The following GALNTL6 variants were observed in gnomAD, a reference collection of about 807,000 sequenced individuals.
GALNTL6 encodes polypeptide N-acetylgalactosaminyltransferase-like 6.
Under a neutral mutation model 73.7 loss-of-function variants are expected in GALNTL6, and 46 were observed. The ratio of observed to expected loss-of-function variants is 0.62; its 90% CI spans 0.49 to 0.80. The LOEUF (loss-of-function observed/expected upper bound fraction) is 0.80, where lower values mean the gene tolerates loss of function less well. Among genes scored for constraint, GALNTL6 ranks in the 30% least tolerant of loss-of-function variants. GALNTL6 has a pLI of 0.00. For missense variants in GALNTL6, 604 were observed against 755.0 expected, an observed-to-expected ratio of 0.80 and a Z score of 2.34; for synonymous variants, 259 against 263.7, an observed-to-expected ratio of 0.98 and a Z score of 0.17.
intron 5 of GALNTL6, among the ~76,000 whole-genome samples, chr4:172,550,720 C>G (rs1270777541): frequency 6.6e-6 from 1 of 152,166 alleles, no homozygotes; most frequent in Non-Finnish European, 1.5e-5. Flanking sequence ...GCCTCAGCCT[C>G]TCATGTAGGC....
chr4:171,998,178 C>G (rs1198332326), intron 2 of GALNTL6, among the ~76,000 whole-genome samples: 1 of 152,146 alleles, frequency 6.6e-6, no homozygotes, highest in Non-Finnish European at 1.5e-5. Context: ...TTAATTGTCA[C>G]TCAGTTGCAT....
At chr4:172,645,350 A>G (rs1376481621) in intron 5 of GALNTL6, among the ~76,000 whole-genome samples, 1 of 152,008 alleles carries the variant, frequency 6.6e-6, no homozygotes, top group Non-Finnish European at 1.5e-5. Flanking sequence ...TAGGACTATG[A>G]TCCATAAATA....
chr4:172,056,613 T>G (rs1206966506), intron 2 of GALNTL6, among the ~76,000 whole-genome samples: 3 of 152,038 alleles, frequency 2.0e-5, no homozygotes, highest in Non-Finnish European at 4.4e-5. Context: ...CTGCTAAAAT[T>G]AAGTATTATC....
chr4:172,876,652 A>G (rs555662578), intron 7 of GALNTL6, among the ~76,000 whole-genome samples: 1 of 152,250 alleles, frequency 6.6e-6, no homozygotes, highest in South Asian at 2.1e-4. Flanking sequence ...TCTTATCCCC[A>G]TAGAACCTCG....
At chr4:173,011,595 G>T (rs770998799) in intron 11 of GALNTL6, among the ~76,000 whole-genome samples, 2 of 152,050 alleles carry the variant, frequency 1.3e-5, no homozygotes, top group African/African-American at 4.8e-5. Flanking sequence ...TTCTGCATGT[G>T]GATATCCAGT....
At chr4:172,060,859 A>G (rs1160196552) in intron 2 of GALNTL6, among the ~76,000 whole-genome samples, 2 of 152,194 alleles carry the variant, frequency 1.3e-5, no homozygotes, top group Non-Finnish European at 2.9e-5. Flanking sequence ...AAAGCATTTC[A>G]AGGTCTTCCA....
chr4:172,726,831 A>G lies in GALNTL6; in HGVS notation c.554-82530A>G, dbSNP rs78524190. On this transcript the variant is annotated intron_variant, in intron 5 of 12. Coordinates refer to ENST00000506823, the MANE Select transcript of GALNTL6 (RefSeq NM_001034845.3). Reference sequence around the variant, plus strand: ...TCAGAACATGTTTCTTACCTGGTGTATGAGGTCCCTATTCTCTCTCTAATA... The same window carrying G: ...TCAGAACATGTTTCTTACCTGGTGTGTGAGGTCCCTATTCTCTCTCTAATA... Among the ~76,000 whole-genome samples the G allele has an allele frequency of 6.4e-4, 97 of 152,330 alleles. 1 individual carries two copies. The East Asian group carries it at 0.018, about 28-fold the overall frequency.
At chr4:171,911,228 G>A (rs976658234) in intron 2 of GALNTL6, among the ~76,000 whole-genome samples, 8 of 152,040 alleles carry the variant, frequency 5.3e-5, no homozygotes, top group South Asian at 2.1e-4. Context: ...GGCACGATCC[G>A]GGCCCACTGC....
At chr4:172,217,991 C>T (rs1000021658) in intron 2 of GALNTL6, among the ~76,000 whole-genome samples, 1 of 152,078 alleles carries the variant, frequency 6.6e-6, no homozygotes, top group African/African-American at 2.4e-5. Context: ...TATATAGAGG[C>T]TATGTCTTTC....
chr4:171,940,873 C>T (rs1255366881), intron 2 of GALNTL6, among the ~76,000 whole-genome samples: 3 of 110,812 alleles, frequency 2.7e-5, no homozygotes, highest in Admixed American at 2.0e-4. Context: ...ATATATAAGT[C>T]ATGTATGCAT....
chr4:172,143,579 G>A (rs1470919592), intron 2 of GALNTL6, among the ~76,000 whole-genome samples: 1 of 151,616 alleles, frequency 6.6e-6, no homozygotes, highest in Non-Finnish European at 1.5e-5. Context: ...GCTTACTCTT[G>A]TATTTTTAGA....
chr4:172,807,885 C>T (rs995887299), intron 5 of GALNTL6, among the ~76,000 whole-genome samples: 2 of 152,260 alleles, frequency 1.3e-5, no homozygotes, highest in South Asian at 4.2e-4. Flanking sequence ...TGCAGCGGTG[C>T]GATCTCAGCT....
chr4:172,742,516 T>C (rs1372856677), intron 5 of GALNTL6, among the ~76,000 whole-genome samples: 9 of 151,796 alleles, frequency 5.9e-5, no homozygotes, highest in Non-Finnish European at 2.9e-5. Flanking sequence ...AAGATATTTC[T>C]TCTTTGGGAA....
At chr4:171,983,044 T>C (rs182731871) in intron 2 of GALNTL6, among the ~76,000 whole-genome samples, 14 of 152,296 alleles carry the variant, frequency 9.2e-5, no homozygotes, top group African/African-American at 2.9e-4. Flanking sequence ...AATATTGATG[T>C]ACCGAAAAAC....
intron 2 of GALNTL6, among the ~76,000 whole-genome samples, chr4:171,953,136 G>T (rs1437140868): frequency 1.3e-5 from 2 of 151,832 alleles, no homozygotes; most frequent in Non-Finnish European, 2.9e-5. Flanking sequence ...AAAAAATTAT[G>T]GATAGTGAAA....
At chr4:171,963,852 C>A (rs984567651) in intron 2 of GALNTL6, among the ~76,000 whole-genome samples, 34 of 152,292 alleles carry the variant, frequency 2.2e-4, no homozygotes, top group African/African-American at 7.7e-4. Flanking sequence ...TTCTGCACAT[C>A]TTGAGAGCAG....
intron 2 of GALNTL6, among the ~76,000 whole-genome samples, chr4:172,209,318 G>A (rs1163198088): frequency 1.3e-5 from 2 of 151,842 alleles, no homozygotes; most frequent in Admixed American, 6.6e-5. Context: ...TGGTCACTGC[G>A]AGATTGATAT....
chr4:172,853,129 C>G (rs1743927744), intron 7 of GALNTL6, among the ~76,000 whole-genome samples: 1 of 152,178 alleles, frequency 6.6e-6, no homozygotes, highest in Non-Finnish European at 1.5e-5. Context: ...TTTCACAAGG[C>G]TGCAATCAAG....
At chr4:172,410,684 A>G (rs1744399908) in intron 5 of GALNTL6, among the ~76,000 whole-genome samples, 1 of 152,108 alleles carries the variant, frequency 6.6e-6, no homozygotes, top group African/African-American at 2.4e-5. Flanking sequence ...AACTAACTTA[A>G]TAAATAAATA....
Sources: allele counts gnomAD v4.1 joint callset (sites outside exome capture counted in the v4.1 genomes callset), GRCh38; gene constraint gnomAD v4.1.1; transcripts MANE v1.5; gene names NCBI Gene and HGNC (gene_info 2026-07-23, HGNC 2026-07-21).